The following GRIN2B variants were observed in gnomAD, a reference collection of about 807,000 sequenced individuals.
GRIN2B encodes the protein glutamate ionotropic receptor NMDA type subunit 2B, also known as glutamate receptor ionotropic, NMDA 2B.
Under a neutral mutation model 114.5 loss-of-function variants are expected in GRIN2B, and 5 were observed. The observed-to-expected ratio is 0.04, with a 90% CI of 0.02 to 0.09. The LOEUF (loss-of-function observed/expected upper bound fraction) is 0.09, where lower values mean the gene tolerates loss of function less well. GRIN2B is among the 10% of genes least tolerant of loss of function. The probability of loss-of-function intolerance (pLI) is 1.00; values close to 1 mark genes in which losing one functional copy is unlikely to be tolerated. For synonymous variants in GRIN2B, 787 were observed against 745.1 expected (o/e 1.06, Z -0.92); for missense variants, 1,108 against 1,943.5 (o/e 0.57, Z 8.08).
Position 13,559,737 on chromosome 12 carries a change from T to A in GRIN2B, c.*3046A>T, listed in dbSNP as rs1216451576. On this transcript the variant is annotated 3_prime_UTR_variant, in exon 14 of 14. Coordinates refer to ENST00000609686, the MANE Select transcript of GRIN2B (RefSeq NM_000834.5). ...TTCAAAAAGTAGAGTTAGTGGAGATTTTTCCACGTGTGTTTGCCAGGCTGA... is the reference window on the plus strand; with the variant it reads ...TTCAAAAAGTAGAGTTAGTGGAGATATTTCCACGTGTGTTTGCCAGGCTGA... 1 of 152,192 alleles carries A rather than the reference T, an allele frequency of 6.6e-6. No homozygotes were observed. 9.4% of individuals were successfully genotyped at this position (152,192 alleles called of 1,614,324 possible).
At chr12:13,767,725 C>A (rs1471681757) in intron 3 of GRIN2B, among the ~76,000 whole-genome samples, 1 of 152,180 alleles carries the variant, frequency 6.6e-6, no homozygotes. Context: ...TAGTTTCACA[C>A]AGATGAAAGA....
chr12:13,573,568 C>CAA (rs1948734023), intron 10 of GRIN2B, among the ~76,000 whole-genome samples: 1 of 125,592 alleles, frequency 8.0e-6, no homozygotes, highest in Non-Finnish European at 1.8e-5. Flanking sequence ...ACTCTCTAAG[C>CAA]TTCTTATTCT....
chr12:13,764,527 A>G (rs766691573), intron 3 of GRIN2B, among the ~76,000 whole-genome samples: 15 of 152,146 alleles, frequency 9.9e-5, no homozygotes, highest in Non-Finnish European at 1.9e-4. Flanking sequence ...TGCTATCTCA[A>G]CTTGACTCTG....
At chr12:13,698,767 C>T (rs1291298572) in intron 4 of GRIN2B, among the ~76,000 whole-genome samples, 1 of 152,202 alleles carries the variant, frequency 6.6e-6, no homozygotes, top group Non-Finnish European at 1.5e-5. Flanking sequence ...ACTGCAACCT[C>T]TGCCTCCTGG....
At chr12:13,891,472 C>T (rs528362724) in intron 2 of GRIN2B, among the ~76,000 whole-genome samples, 27 of 152,204 alleles carry the variant, frequency 1.8e-4, no homozygotes, top group East Asian at 9.7e-4. Flanking sequence ...TATAGATGTG[C>T]CACCAATGCA....
intron 5 of GRIN2B, among the ~76,000 whole-genome samples, chr12:13,654,905 C>T (rs1335885548): frequency 6.6e-6 from 1 of 152,050 alleles, no homozygotes; most frequent in Non-Finnish European, 1.5e-5. Flanking sequence ...GTTCTGGCTA[C>T]TTCACTGAAG....
intron 2 of GRIN2B, among the ~76,000 whole-genome samples, chr12:13,922,652 T>C (rs1866843224): frequency 6.6e-6 from 1 of 152,194 alleles, no homozygotes; most frequent in Non-Finnish European, 1.5e-5. Context: ...TTATTTAACA[T>C]CTTAGTTAAT....
intron 5 of GRIN2B, among the ~76,000 whole-genome samples, chr12:13,644,252 T>C (rs1379774003): frequency 6.6e-6 from 1 of 152,170 alleles, no homozygotes; most frequent in Admixed American, 6.6e-5. Context: ...GAAAAAACAT[T>C]AATGTCCTTG....
At chr12:13,692,342 T>C (rs1421773061) in intron 4 of GRIN2B, among the ~76,000 whole-genome samples, 1 of 152,062 alleles carries the variant, frequency 6.6e-6, no homozygotes, top group Admixed American at 6.5e-5. Context: ...AAAAGTATAG[T>C]CAAGATGTCC....
intron 3 of GRIN2B, among the ~76,000 whole-genome samples, chr12:13,759,581 C>T (rs1211774073): frequency 6.6e-6 from 1 of 152,172 alleles, no homozygotes. Flanking sequence ...ACTGAAACCC[C>T]TCTTGTAAAA....
rs201732785 is a variant in GRIN2B, at chr12:13,753,514, C to T, written c.813G>A (p.Ala271=). 12 of 1,614,132 alleles carry T rather than the reference C, an allele frequency of 7.4e-6. No individual in the cohort carries two copies. Among genetic ancestry groups the T allele is most frequent in the South Asian group, 3.3e-5 (3 of 91,076 alleles). ...CAGAGATGAGCCCAGTGGGGAACTC[C>T]GCAGGCACTGTGTCTGTATCCCCTG... ...LVAGDTDTVP[A]EFPTGLISVS... is the part of the protein sequence containing the mutation. Residue 271 remains alanine, a synonymous_variant, in exon 4 of 14, where the codon GCG becomes GCA. Coordinates refer to ENST00000609686, the MANE Select transcript of GRIN2B (RefSeq NM_000834.5). The surrounding 1 kb of genome is among the most constrained non-coding windows in gnomAD (Gnocchi z 6.2).
intron 3 of GRIN2B, among the ~76,000 whole-genome samples, chr12:13,764,183 C>CA (rs111977459): frequency 0.26 from 27,879 of 106,222 alleles, 3,231 homozygotes; most frequent in Non-Finnish European, 0.33. Context: ...ATATCCATAC[C>CA]AAAAAAAAAA....
intron 4 of GRIN2B, among the ~76,000 whole-genome samples, chr12:13,693,414 A>G (rs1309239840): frequency 1.3e-5 from 2 of 152,158 alleles, no homozygotes; most frequent in Non-Finnish European, 2.9e-5. Flanking sequence ...ACTATAAAGC[A>G]TGGCATATAC....
At chr12:13,621,756 C>T (rs1949520238) in intron 5 of GRIN2B, among the ~76,000 whole-genome samples, 1 of 151,310 alleles carries the variant, frequency 6.6e-6, no homozygotes. Flanking sequence ...ACCTGTGGTA[C>T]CTTCGAGTGG....
At position 13,538,189 on chromosome 12, in the gene GRIN2B, C is replaced by T. The variant is rs74473371; in HGVS notation, c.*24594G>A. On this transcript the variant is annotated 3_prime_UTR_variant, in exon 14 of 14. Coordinates refer to ENST00000609686, the MANE Select transcript of GRIN2B (RefSeq NM_000834.5). ...GCCAAGGAGGCTCATCTTTCCGGAA[C>T]AGTTGGCTGATGGGGACACAACCGG... 8.5e-5 allele frequency: 13 copies of T among 152,260 alleles called. No individual in the cohort carries two copies. In the East Asian group the frequency reaches 2.5e-3, roughly 29 times the overall value. 9.4% of individuals were successfully genotyped at this position (152,260 alleles called of 1,614,324 possible).
chr12:13,641,444 C>T (rs1331399953), intron 5 of GRIN2B, among the ~76,000 whole-genome samples: 1 of 152,054 alleles, frequency 6.6e-6, no homozygotes, highest in Non-Finnish European at 1.5e-5. Context: ...TTGCCATTTC[C>T]ATGTCTTATA....
intron 2 of GRIN2B, among the ~76,000 whole-genome samples, chr12:13,867,689 A>G (rs1304146683): frequency 3.9e-5 from 6 of 152,192 alleles, no homozygotes; most frequent in African/African-American, 1.4e-4. Context: ...AAATAGAAAA[A>G]CAGAAGCTCA....
intron 2 of GRIN2B, among the ~76,000 whole-genome samples, chr12:13,915,197 T>A (rs1044237156): frequency 3.1e-4 from 47 of 152,332 alleles, no homozygotes; most frequent in African/African-American, 1.1e-3. Flanking sequence ...GTGTACCCAT[T>A]TTTTTAGCAG....
chr12:13,719,654 A>G (rs370059173), intron 4 of GRIN2B, among the ~76,000 whole-genome samples: 17 of 152,062 alleles, frequency 1.1e-4, no homozygotes, highest in African/African-American at 4.1e-4. Flanking sequence ...TAAGCCCAAA[A>G]TGTAGATATC....
Sources: gnomAD v4.1 joint callset for allele counts (sites outside exome capture counted in the v4.1 genomes callset) on GRCh38, gnomAD v4.1.1 for gene constraint, Gnocchi (gnomAD v3.1) non-coding constraint, MANE v1.5 for transcripts, NCBI Gene and HGNC (gene_info 2026-07-23, HGNC 2026-07-21) for gene names.